Variants in TPCN2 observed in about 807,000 individuals in gnomAD.
TPCN2 encodes two pore channel protein 2.
Under a neutral mutation model 111.4 loss-of-function variants are expected in TPCN2, and 92 were observed. The ratio of observed to expected loss-of-function variants is 0.83; its 90% CI spans 0.70 to 0.98. The LOEUF (loss-of-function observed/expected upper bound fraction) is 0.98. TPCN2 is among the 50% of genes least tolerant of loss of function. The pLI is 0.00. For synonymous variants in TPCN2, 405 were observed against 414.5 expected, an observed-to-expected ratio of 0.98 and a Z score of 0.28; for missense variants, 995 against 980.1, an observed-to-expected ratio of 1.02 and a Z score of -0.20.
At chr11:69,076,972 C>T (rs1855797396) in intron 13 of TPCN2, among the ~76,000 whole-genome samples, 1 of 109,588 alleles carries the variant, frequency 9.1e-6, no homozygotes, top group Non-Finnish European at 1.9e-5. Context: ...ACCTGCCCTC[C>T]TGCCATGTCC....
intron 6 of TPCN2, 145 bp from the exon 7 acceptor site, chr11:69,063,750 G>C (rs992378102): frequency 2.8e-6 from 2 of 708,010 alleles, no homozygotes; most frequent in Non-Finnish European, 4.9e-6. Context: ...CAAGGCCCTC[G>C]GGGAGAGGGG....
chr11:69,067,452 C>G, intron 7 of TPCN2, 51 bp from the exon 8 acceptor site: 1 of 1,544,764 alleles, frequency 6.5e-7, no homozygotes. Context: ...GGAGCTCAGC[C>G]TGTGGGGTGG....
Position 69,061,929 on chromosome 11 carries a change from G to A in TPCN2, c.547-955G>A, listed in dbSNP as rs372911863. The stretch of plus-strand genomic sequence containing the variant: ...AGGGAAGATGGGGATATCTGTGAGA[G>A]TGTGTGTGTGTGAGTGTGAGTGTGT... On this transcript the variant is annotated intron_variant, in intron 5 of 24. Transcript: ENST00000294309. Among the ~76,000 whole-genome samples, 10 of 151,846 alleles carry A rather than the reference G, an allele frequency of 6.6e-5. No homozygotes were observed. In the East Asian group the frequency reaches 1.5e-3, roughly 24 times the overall value.
In TPCN2 at chr11:69,071,382, A is replaced by G. The variant is rs1590731742; in HGVS notation, c.922A>G (p.Thr308Ala). 6.2e-7 allele frequency: 1 copy of G among 1,613,890 alleles called. No homozygotes were observed. Among genetic ancestry groups the G allele is most frequent in the Non-Finnish European group, 8.5e-7 (1 of 1,179,930 alleles). Residue 308 changes from threonine (T) to alanine (A), a missense_variant, in exon 10 of 25, where the codon ACA (threonine) becomes GCA (alanine). Thr to Ala is a moderately conservative substitution (Grantham distance 58). Coordinates refer to ENST00000294309, the MANE Select transcript of TPCN2 (RefSeq NM_139075.4). ...AAGCCTGTTTCTGATGAACCTGCTG[A>G]CAGCCATCATCTACAGTCAGTTCCG... ...IGSLFLMNLL[T>A]AIIYSQFRGY...
In TPCN2 at chr11:69,070,494, A is replaced by G; in HGVS notation, c.894A>G (p.Ile298Met). 6.2e-7 allele frequency: 1 copy of G among 1,603,008 alleles called. No individual in the cohort carries two copies. The highest frequency in any genetic ancestry group is 8.5e-7 in the Non-Finnish European group (1 of 1,174,856). ...TCTTCTTCATAGTCTTCACTGTGATAGGTGAGTGCAGGTAACGTGGCCAGC... is the reference window on the plus strand; with the variant it reads ...TCTTCTTCATAGTCTTCACTGTGATGGGTGAGTGCAGGTAACGTGGCCAGC... The part of the protein sequence containing the change: ...YAIFFIVFTV[I>M]GSLFLMNLLT... Residue 298 changes from isoleucine (I) to methionine (M), a missense_variant and splice_region_variant, in exon 9 of 25, where the codon ATA (isoleucine) becomes ATG (methionine). Coordinates refer to ENST00000294309, the MANE Select transcript of TPCN2 (RefSeq NM_139075.4).
rs140673036 is a variant in TPCN2, at chr11:69,085,206, C to T, written c.1762-4C>T. On this transcript the variant is annotated splice_region_variant and splice_polypyrimidine_tract_variant and intron_variant, in intron 19 of 24. Coordinates refer to ENST00000294309, the MANE Select transcript of TPCN2 (RefSeq NM_139075.4). ...TGATCAGTCCCCGGCTCCTGGCCCG[C>T]CAGGTGGTCTACTACGTATTTGCCA... 1 of 1,614,032 alleles carries T rather than the reference C, an allele frequency of 6.2e-7. No homozygotes were observed. Among genetic ancestry groups the T allele is most frequent in the Admixed American group, 1.7e-5 (1 of 60,022 alleles).
Position 69,072,994 on chromosome 11 carries a change from T to A in TPCN2, c.1223T>A (p.Val408Asp), listed in dbSNP as rs1256679622. 6.2e-7 allele frequency: 1 copy of A among 1,613,534 alleles called. No individual in the cohort carries two copies. Among genetic ancestry groups the A allele is most frequent in the South Asian group, 1.1e-5 (1 of 90,892 alleles). The change falls in exon 13 of 25, where the codon GTT becomes GAT. Residue 408 changes from valine (V) to aspartate (D), a missense_variant. Transcript: ENST00000294309. ...KLFNELDRSVVKEHPPRPEYQ... is the reference protein window; with the variant it reads ...KLFNELDRSVDKEHPPRPEYQ... ...TTCAACGAGCTTGACAGAAGTGTGG[T>A]TAAAGAGGTAACTGGGGCCACAGCC...
At chr11:69,087,325 T>C in intron 24 of TPCN2, 119 bp downstream of exon 24, 1 of 828,100 alleles carries the variant, frequency 1.2e-6, no homozygotes, top group Non-Finnish European at 1.9e-6. Flanking sequence ...CTCCGCCCGG[T>C]TATCTGGCTT....
At chr11:69,053,076 C>T (rs1220073314) in intron 1 of TPCN2, among the ~76,000 whole-genome samples, 4 of 152,216 alleles carry the variant, frequency 2.6e-5, no homozygotes, top group African/African-American at 7.2e-5. Context: ...TGACCAGGTG[C>T]GCCCGCTGGC....
In TPCN2 at chr11:69,070,312, C is replaced by T. The variant is rs567525619; in HGVS notation, c.830-118C>T. 68 of 788,662 alleles carry T rather than the reference C, an allele frequency of 8.6e-5. No individual in the cohort carries two copies. In the South Asian group the frequency reaches 9.4e-4, roughly 11 times the overall value. 48.9% of individuals were successfully genotyped at this position (788,662 alleles called of 1,614,324 possible). On this transcript the variant is annotated intron_variant, in intron 8 of 24. Transcript: ENST00000294309. ...AAGTGCTGGGATTACAGGCGTGAGC[C>T]ACCACGCTCAGCAATGGAGACCTCC...
intron 24 of TPCN2, among the ~76,000 whole-genome samples, chr11:69,087,586 C>A (rs1856336495): frequency 1.3e-5 from 2 of 152,168 alleles, no homozygotes; most frequent in African/African-American, 2.4e-5. Flanking sequence ...CAGAGGCAGC[C>A]CTGCTGTGGG....
intron 6 of TPCN2, 42 bp from the exon 7 acceptor site, chr11:69,063,853 G>C: frequency 1.9e-6 from 3 of 1,603,502 alleles, no homozygotes; most frequent in Non-Finnish European, 2.6e-6. Flanking sequence ...GTCCCTGCCT[G>C]CCCGCCGCCT....
intron 13 of TPCN2, among the ~76,000 whole-genome samples, chr11:69,075,658 T>A (rs556763774): frequency 1.4e-4 from 21 of 152,324 alleles, no homozygotes; most frequent in African/African-American, 5.1e-4. Context: ...CTCGGCAGGC[T>A]GACGTCATGG....
intron 5 of TPCN2, among the ~76,000 whole-genome samples, chr11:69,060,065 C>T (rs1854952674): frequency 6.6e-6 from 1 of 152,232 alleles, no homozygotes; most frequent in East Asian, 1.9e-4. Flanking sequence ...GGCACCAGCT[C>T]CTTAGGCCAC....
intron 24 of TPCN2, 43 bp downstream of exon 24, chr11:69,087,249 G>T: frequency 6.3e-7 from 1 of 1,581,312 alleles, no homozygotes; most frequent in South Asian, 1.1e-5. Flanking sequence ...CCCCTGGGAT[G>T]GGAAGCCAAG....
chr11:69,080,234 A>G (rs1855947865), intron 17 of TPCN2, among the ~76,000 whole-genome samples: 1 of 152,196 alleles, frequency 6.6e-6, no homozygotes, highest in Non-Finnish European at 1.5e-5. Flanking sequence ...GGGACCTGTG[A>G]CCACTGGGAT....
rs1855557954 is a variant in TPCN2, at chr11:69,072,015, C to T, written c.1053C>T (p.Phe351=). ...LSSMVGEGGA[F]PQAVGVKPQN... is the part of the protein sequence containing the mutation. ...CCATGGTGGGGGAGGGAGGAGCCTT[C>T]CCTCAGGCGTGAGTGCTGGGCATGG... is the stretch of plus-strand genomic sequence containing the variant. Residue 351 remains phenylalanine (F), a synonymous_variant, in exon 11 of 25, where the codon TTC becomes TTT. Transcript: ENST00000294309. 1.2e-6 allele frequency: 2 copies of T among 1,613,156 alleles called. No homozygotes were observed. The highest frequency in any genetic ancestry group is 1.7e-6 in the Non-Finnish European group (2 of 1,179,626).
In TPCN2 at chr11:69,070,443, G is replaced by T; in HGVS notation, c.843G>T (p.Ala281=). 2 of 1,612,418 alleles carry T rather than the reference G, an allele frequency of 1.2e-6. No individual in the cohort carries two copies. The highest frequency in any genetic ancestry group is 1.1e-5 in the South Asian group (1 of 91,032). Reference sequence around the variant, plus strand: ...TTTTTCTTTTAGTGATGATTCCTGCGTATTCCAAGAACCGGGCCTATGCCA... The same window carrying T: ...TTTTTCTTTTAGTGATGATTCCTGCTTATTCCAAGAACCGGGCCTATGCCA... ...TANNPDVMIP[A]YSKNRAYAIF... Residue 281 remains alanine, a synonymous_variant, in exon 9 of 25, where the codon GCG becomes GCT. Coordinates refer to ENST00000294309, the MANE Select transcript of TPCN2 (RefSeq NM_139075.4).
At chr11:69,087,746 C>T in intron 24 of TPCN2, 129 bp from the exon 25 acceptor site, 1 of 662,572 alleles carries the variant, frequency 1.5e-6, no homozygotes, top group East Asian at 2.8e-5. Context: ...CATCTGAGTC[C>T]CCGTGTCTCT....
Sources: allele counts gnomAD v4.1 joint callset (sites outside exome capture counted in the v4.1 genomes callset), GRCh38; gene constraint gnomAD v4.1.1; transcripts MANE v1.5; gene names NCBI Gene and HGNC (gene_info 2026-07-23, HGNC 2026-07-21).